Variants in RAB30 observed in about 807,000 individuals in gnomAD.
The protein encoded by RAB30 is RAB30, member RAS oncogene family.
RAB30 carries 9 observed loss-of-function variants against 25.1 expected under a neutral mutation model. The ratio of observed to expected loss-of-function variants is 0.36; its 90% confidence interval spans 0.22 to 0.63. The LOEUF (loss-of-function observed/expected upper bound fraction) is 0.63, where lower values mean the gene tolerates loss of function less well. RAB30 is among the 20% of genes least tolerant of loss of function. The pLI, the probability that RAB30 is intolerant of heterozygous loss-of-function variation, is 0.69. For synonymous variants in RAB30, 77 were observed against 86.4 expected, an observed-to-expected ratio of 0.89 and a Z score of 0.60; for missense variants, 140 against 243.5, an observed-to-expected ratio of 0.58 and a Z score of 2.83.
intron 1 of RAB30, among the ~76,000 whole-genome samples, chr11:83,016,689 C>T (rs2121506331): frequency 6.6e-6 from 1 of 152,330 alleles, no homozygotes; most frequent in East Asian, 1.9e-4. Context: ...TCTTTCTACA[C>T]AATTGACCGT....
intron 2 of RAB30, among the ~76,000 whole-genome samples, chr11:82,996,495 T>C (rs1856961745): frequency 6.6e-6 from 1 of 152,210 alleles, no homozygotes; most frequent in Non-Finnish European, 1.5e-5. Context: ...ATGTATGTAA[T>C]GGTCCTACAA....
At chr11:83,028,223 T>G (rs1326112439) in intron 1 of RAB30, among the ~76,000 whole-genome samples, 1 of 152,200 alleles carries the variant, frequency 6.6e-6, no homozygotes, top group East Asian at 1.9e-4. Flanking sequence ...GACAACATAA[T>G]AGCAGACTTT....
At chr11:83,060,779 G>A (rs149661120) in intron 1 of RAB30, among the ~76,000 whole-genome samples, 96 of 152,294 alleles carry the variant, frequency 6.3e-4, no homozygotes, top group Non-Finnish European at 5.6e-4. Flanking sequence ...ATTTGGGGGT[G>A]TGTCTGCAAG....
At chr11:83,001,186 T>TTTTG (rs569892568) in intron 1 of RAB30, among the ~76,000 whole-genome samples, 2 of 152,162 alleles carry the variant, frequency 1.3e-5, no homozygotes, top group East Asian at 1.9e-4. Context: ...TTGAATGTGT[T>TTTTG]TTTGTTTGTT....
Position 83,011,566 on chromosome 11 carries a change from G to A in RAB30, c.-8-14242C>T, listed in dbSNP as rs572432588. Among the ~76,000 whole-genome samples the A allele has an allele frequency of 3.3e-5, 5 of 152,312 alleles. 1 individual carries two copies. In the South Asian group the frequency reaches 6.2e-4, roughly 19 times the overall value. ...CGAGTACTGTGTATTAAAGCTGGAA[G>A]ACTGAATAATGTAGTTGGAATTAGA... On this transcript the variant is annotated intron_variant, in intron 1 of 4. Transcript: ENST00000527633.
At chr11:83,001,123 C>CAGA (rs1413405863) in intron 1 of RAB30, among the ~76,000 whole-genome samples, 18 of 150,558 alleles carry the variant, frequency 1.2e-4, no homozygotes, top group African/African-American at 4.4e-4. Flanking sequence ...GAGCAAGCTA[C>CAGA]AGAATAAGTT....
chr11:83,030,356 G>T (rs1422019378), intron 1 of RAB30, among the ~76,000 whole-genome samples: 2 of 151,738 alleles, frequency 1.3e-5, no homozygotes, highest in African/African-American at 2.4e-5. Context: ...AAATTAGTTG[G>T]GTGTGGTGGT....
intron 1 of RAB30, among the ~76,000 whole-genome samples, chr11:83,047,343 A>T (rs1858255558): frequency 6.6e-6 from 1 of 152,244 alleles, no homozygotes; most frequent in Non-Finnish European, 1.5e-5. Flanking sequence ...CCCTTGGGCA[A>T]ATTATAAAGC....
At chr11:83,000,676 C>G (rs1032949870) in intron 1 of RAB30, among the ~76,000 whole-genome samples, 1 of 152,078 alleles carries the variant, frequency 6.6e-6, no homozygotes, top group Non-Finnish European at 1.5e-5. Flanking sequence ...AGGAGAATGT[C>G]AAAAGTAAAG....
At chr11:83,015,469 G>A (rs1857415513) in intron 1 of RAB30, among the ~76,000 whole-genome samples, 1 of 152,170 alleles carries the variant, frequency 6.6e-6, no homozygotes, top group Admixed American at 6.5e-5. Flanking sequence ...GGAAGATTGG[G>A]AAAACTGAGA....
intron 1 of RAB30, among the ~76,000 whole-genome samples, chr11:83,016,413 GAC>G (rs1379228960): frequency 3.3e-5 from 5 of 152,176 alleles, no homozygotes; most frequent in Non-Finnish European, 7.4e-5. Flanking sequence ...ATATTTAAGA[GAC>G]AAAATTTTAA....
intron 1 of RAB30, among the ~76,000 whole-genome samples, chr11:83,028,724 A>G (rs1293749603): frequency 2.0e-5 from 3 of 152,254 alleles, no homozygotes; most frequent in Non-Finnish European, 2.9e-5. Context: ...GAATAGAAGA[A>G]AGATACTTTA....
Position 82,981,418 on chromosome 11 carries a change from T to G in RAB30, c.*747A>C, listed in dbSNP as rs1856635730. The G allele has an allele frequency of 6.5e-6, 1 of 152,758 alleles. No homozygotes were observed. The highest frequency in any genetic ancestry group is 2.4e-5 in the African/African-American group (1 of 41,568). 9.5% of individuals were successfully genotyped at this position (152,758 alleles called of 1,614,324 possible). A position where few individuals can be genotyped will look rare whatever the true frequency, so the allele number is the denominator to read the frequency against. On this transcript the variant is annotated 3_prime_UTR_variant, in exon 5 of 5. Transcript: ENST00000527633. ...AAATCCACCTTTAAAAAGGTAGTAA[T>G]GAGACTTTGAGAAAGAGTGCTGATT...
chr11:82,978,265 G>C lies in RAB30; in HGVS notation c.*3900C>G, dbSNP rs1407375830. The C allele has an allele frequency of 6.6e-6, 1 of 152,124 alleles. No individual in the cohort carries two copies. Among genetic ancestry groups the C allele is most frequent in the Admixed American group, 6.5e-5 (1 of 15,280 alleles). 9.4% of individuals were successfully genotyped at this position (152,124 alleles called of 1,614,324 possible). On this transcript the variant is annotated 3_prime_UTR_variant, in exon 5 of 5. Coordinates refer to ENST00000527633, the MANE Select transcript of RAB30 (RefSeq NM_001286060.2). ...GGCAAACTCTAGAAGATCTCTCCCA[G>C]AGGCTAATAGAGCAATGATCCCTAA... is the stretch of plus-strand genomic sequence containing the variant.
intron 1 of RAB30, among the ~76,000 whole-genome samples, chr11:83,011,191 A>C (rs951607323): frequency 5.3e-5 from 8 of 152,242 alleles, no homozygotes; most frequent in Non-Finnish European, 1.0e-4. Context: ...AAAGGGAAAA[A>C]TAAAATTGCC....
chr11:82,993,622 C>T (rs112872445), intron 3 of RAB30, among the ~76,000 whole-genome samples: 6 of 152,176 alleles, frequency 3.9e-5, no homozygotes, highest in African/African-American at 1.4e-4. Context: ...TTTTTAGAGA[C>T]AAGGATATGA....
At chr11:83,041,319 C>A in intron 1 of RAB30, 1 of 179,636 alleles carries the variant, frequency 5.6e-6, no homozygotes, top group South Asian at 1.4e-4. Flanking sequence ...GCTCCTGGTT[C>A]TATAGCTTGA....
chr11:83,017,523 C>T (rs1043791522), intron 1 of RAB30, among the ~76,000 whole-genome samples: 4 of 151,888 alleles, frequency 2.6e-5, no homozygotes, highest in Non-Finnish European at 5.9e-5. Flanking sequence ...GTCTTTTATC[C>T]CTCAGCCCCC....
Position 82,978,147 on chromosome 11 carries a change from A to G in RAB30, c.*4018T>C, listed in dbSNP as rs1856576636. ...TTTAGCGAAGTCTCAAAAGTATCAT[A>G]GTATAAACATGTCAGGACCATGGTT... On this transcript the variant is annotated 3_prime_UTR_variant, in exon 5 of 5. Coordinates refer to ENST00000527633, the MANE Select transcript of RAB30 (RefSeq NM_001286060.2). The G allele has an allele frequency of 6.6e-6, 1 of 152,208 alleles. No homozygotes were observed. Among genetic ancestry groups the G allele is most frequent in the South Asian group, 2.1e-4 (1 of 4,830 alleles). The allele number at this position is 152,208 out of a possible 1,614,324, so 9.4% of individuals were successfully genotyped here.
Sources: gnomAD v4.1 joint callset for allele counts (sites outside exome capture counted in the v4.1 genomes callset) on GRCh38, gnomAD v4.1.1 for gene constraint, MANE v1.5 for transcripts, NCBI Gene and HGNC (gene_info 2026-07-23, HGNC 2026-07-21) for gene names.